Variants in ZC3HC1 observed in about 807,000 individuals in gnomAD.
ZC3HC1 encodes the protein zinc finger C3HC-type containing 1.
In ZC3HC1, 38 loss-of-function variants were observed where a neutral mutation model predicts 61.9. That is an observed-to-expected ratio of 0.61 (90% CI 0.47 to 0.81). The LOEUF is 0.81. Among genes scored for constraint, ZC3HC1 ranks in the 30% least tolerant of loss-of-function variants. The pLI is 0.00. For missense variants in ZC3HC1, 554 were observed against 622.7 expected, an observed-to-expected ratio of 0.89 and a Z score of 1.17; for synonymous variants, 213 against 229.9, an observed-to-expected ratio of 0.93 and a Z score of 0.67.
chr7:130,049,925 C>A (rs202219463), intron 1 of ZC3HC1, among the ~76,000 whole-genome samples: 10 of 147,656 alleles, frequency 6.8e-5, no homozygotes, highest in Admixed American at 1.3e-4. Context: ...CCACTCCTTC[C>A]AAAAAAAAAA....
intron 2 of ZC3HC1, chr7:130,043,879 T>G (rs1383799854): frequency 2.2e-6 from 1 of 454,712 alleles, no homozygotes; most frequent in Non-Finnish European, 4.4e-6. Flanking sequence ...TTGATCAAAG[T>G]AGTAAATATA....
At chr7:130,048,756 C>T (rs1227625500) in intron 2 of ZC3HC1, among the ~76,000 whole-genome samples, 1 of 152,000 alleles carries the variant, frequency 6.6e-6, no homozygotes, top group Non-Finnish European at 1.5e-5. Flanking sequence ...AGGTCAAGAT[C>T]GAATGTGATA....
At chr7:130,019,082 C>T (rs1231922769) in intron 9 of ZC3HC1, among the ~76,000 whole-genome samples, 2 of 140,672 alleles carry the variant, frequency 1.4e-5, no homozygotes, top group African/African-American at 5.3e-5. Context: ...GAGACGGAGT[C>T]TCACTCTGTC....
chr7:130,019,984 T>C (rs1031625069), intron 9 of ZC3HC1, among the ~76,000 whole-genome samples: 3 of 151,718 alleles, frequency 2.0e-5, no homozygotes, highest in Non-Finnish European at 4.4e-5. Flanking sequence ...GCCCAGCTAA[T>C]TTTTGTATTT....
At chr7:130,019,329 G>C (rs973368922) in intron 9 of ZC3HC1, among the ~76,000 whole-genome samples, 2 of 152,092 alleles carry the variant, frequency 1.3e-5, no homozygotes, top group African/African-American at 4.8e-5. Context: ...GATTACAGGC[G>C]TGAGCCACCA....
chr7:130,029,139 G>T, intron 4 of ZC3HC1, 110 bp from the exon 5 acceptor site: 1 of 1,251,456 alleles, frequency 8.0e-7, no homozygotes, highest in Non-Finnish European at 1.1e-6. Flanking sequence ...GGAAGGCCGA[G>T]GCGGGCGGAT....
Position 130,023,378 on chromosome 7 carries a change from CT to C in ZC3HC1, c.1233+132del, listed in dbSNP as rs1306369666. The C allele has an allele frequency of 1.1e-6, 1 of 895,004 alleles. No homozygotes were observed. Among genetic ancestry groups the C allele is most frequent in the Non-Finnish European group, 1.7e-6 (1 of 588,880 alleles). The allele number at this position is 895,004 out of a possible 1,614,324, so 55.4% of individuals were successfully genotyped here. A position where few individuals can be genotyped will look rare whatever the true frequency, so the allele number is the denominator to read the frequency against. On this transcript the variant is annotated intron_variant, in intron 8 of 9. Transcript: ENST00000358303. The surrounding 1 kb of genome is among the most constrained non-coding windows in gnomAD (Gnocchi z 4.2). ...ACATTTTTTCCCTTTGGTCATCCAA[CT>C]TTAAATTTATTCACATGGTCTACTT... is the stretch of plus-strand genomic sequence containing the variant.
At chr7:130,030,829 T>C (rs4507693) in intron 4 of ZC3HC1, among the ~76,000 whole-genome samples, 150,652 of 151,274 alleles carry the variant, frequency 1, 75,019 homozygotes, top group Middle Eastern at 1. Context: ...CCACTGCGCC[T>C]GGCTAATTTT....
intron 2 of ZC3HC1, 120 bp from the exon 3 acceptor site, chr7:130,041,221 T>A: frequency 8.5e-7 from 1 of 1,171,416 alleles, no homozygotes; most frequent in Non-Finnish European, 1.2e-6. Flanking sequence ...AAGTTCTCAC[T>A]CTGTCTCCCA....
At position 130,026,323 on chromosome 7, in the gene ZC3HC1, G is replaced by A. The variant is rs1412195140; in HGVS notation, c.622-11C>T. ...GTCTTCTGTCAAGCACTACAAGGGA[G>A]CCAAGTAAAAAACTTCGTTTCAACC... On this transcript the variant is annotated splice_polypyrimidine_tract_variant and intron_variant, in intron 5 of 9. Coordinates refer to ENST00000358303, the MANE Select transcript of ZC3HC1 (RefSeq NM_016478.5). 5.0e-6 allele frequency: 8 copies of A among 1,591,092 alleles called. No individual in the cohort carries two copies. Among genetic ancestry groups the A allele is most frequent in the Admixed American group, 1.7e-5 (1 of 57,440 alleles).
At chr7:130,031,670 T>G (rs1794200697) in intron 4 of ZC3HC1, among the ~76,000 whole-genome samples, 1 of 152,164 alleles carries the variant, frequency 6.6e-6, no homozygotes, top group African/African-American at 2.4e-5. Context: ...CTCTGACATA[T>G]TCCCTGGAAT....
chr7:130,019,975 C>A (rs923836410), intron 9 of ZC3HC1, among the ~76,000 whole-genome samples: 1 of 151,862 alleles, frequency 6.6e-6, no homozygotes, highest in Non-Finnish European at 1.5e-5. Context: ...TGCCACCACG[C>A]CCAGCTAATT....
At chr7:130,042,284 C>T (rs1425802314) in intron 2 of ZC3HC1, among the ~76,000 whole-genome samples, 1 of 129,326 alleles carries the variant, frequency 7.7e-6, no homozygotes, top group African/African-American at 3.0e-5. Flanking sequence ...GCCTGGGCAA[C>T]AGAATGAGAC....
At chr7:130,043,980 A>G (rs1794776445) in intron 2 of ZC3HC1, 1 of 382,810 alleles carries the variant, frequency 2.6e-6, no homozygotes, top group East Asian at 7.5e-5. Flanking sequence ...GTGATGTACA[A>G]TTGCAACTGG....
At chr7:130,036,128 T>C (rs189774605) in intron 4 of ZC3HC1, among the ~76,000 whole-genome samples, 229 of 151,838 alleles carry the variant, frequency 1.5e-3, no homozygotes, top group African/African-American at 4.7e-3. Context: ...TTTTTTTTTT[T>C]CCGCAATTCA....
chr7:130,043,057 C>T (rs1194177933), intron 2 of ZC3HC1, among the ~76,000 whole-genome samples: 1 of 152,106 alleles, frequency 6.6e-6, no homozygotes, highest in African/African-American at 2.4e-5. Flanking sequence ...GGGCGGATCA[C>T]TTGAGGTCAG....
In ZC3HC1 at chr7:130,041,100, G is replaced by A. The variant is rs552229372; in HGVS notation, c.260C>T (p.Ser87Phe). ...AFFSRVETFS[S>F]LKWAGKPFEL... Reference sequence around the variant, plus strand: ...AAAGGGCTTACCTGCCCATTTCAAAGAGTATCCATGTTAAGAAAAACAACA... The same window carrying A: ...AAAGGGCTTACCTGCCCATTTCAAAAAGTATCCATGTTAAGAAAAACAACA... Residue 87 changes from serine (S) to phenylalanine (F), a missense_variant and splice_region_variant, in exon 3 of 10, where the codon TCT becomes TTT. By Grantham distance (155) the Ser-to-Phe change is radical. Coordinates refer to ENST00000358303, the MANE Select transcript of ZC3HC1 (RefSeq NM_016478.5). The A allele has an allele frequency of 1.2e-6, 2 of 1,608,826 alleles. No homozygotes were observed. Among genetic ancestry groups the A allele is most frequent in the Admixed American group, 1.7e-5 (1 of 58,054 alleles).
intron 4 of ZC3HC1, among the ~76,000 whole-genome samples, chr7:130,038,217 A>C (rs914233526): frequency 1.3e-5 from 2 of 152,206 alleles, no homozygotes; most frequent in Non-Finnish European, 2.9e-5. Context: ...CATGGCCCTT[A>C]TATAGACAGG....
chr7:130,032,720 A>T (rs1794259213), intron 4 of ZC3HC1, among the ~76,000 whole-genome samples: 1 of 114,196 alleles, frequency 8.8e-6, no homozygotes, highest in Non-Finnish European at 1.7e-5. Context: ...GAAGGAAGGG[A>T]AGGAGGGAGG....
Sources: gnomAD v4.1 joint callset for allele counts (sites outside exome capture counted in the v4.1 genomes callset) on GRCh38, gnomAD v4.1.1 for gene constraint, Gnocchi (gnomAD v3.1) non-coding constraint, MANE v1.5 for transcripts, NCBI Gene and HGNC (gene_info 2026-07-23, HGNC 2026-07-21) for gene names.